The following SGCZ variants were observed in gnomAD, a reference collection of about 807,000 sequenced individuals.
The protein encoded by SGCZ is sarcoglycan zeta.
In SGCZ, 40 loss-of-function variants were observed where a neutral mutation model predicts 41.3. That is an observed-to-expected ratio of 0.97 (90% CI 0.75 to 1.26). The LOEUF (loss-of-function observed/expected upper bound fraction) is 1.26, where lower values mean the gene tolerates loss of function less well. Ranked by LOEUF, SGCZ falls within the 50% of genes most tolerant of loss-of-function variation. The pLI is 0.00. For missense variants in SGCZ, 552 were observed against 369.8 expected, an observed-to-expected ratio of 1.49 and a Z score of -4.04; for synonymous variants, 206 against 137.5, an observed-to-expected ratio of 1.50 and a Z score of -3.49.
At chr8:14,198,762 G>A (rs2117064378) in intron 4 of SGCZ, among the ~76,000 whole-genome samples, 1 of 152,276 alleles carries the variant, frequency 6.6e-6, no homozygotes, top group East Asian at 1.9e-4. Context: ...TTTTATGGAT[G>A]TTTATTAGTT....
intron 1 of SGCZ, among the ~76,000 whole-genome samples, chr8:14,639,297 A>C (rs778039592): frequency 1.4e-4 from 21 of 151,648 alleles, no homozygotes; most frequent in Non-Finnish European, 2.5e-4. Context: ...TACCACTAAT[A>C]TATTATTCCT....
At chr8:14,766,910 C>A (rs549855555) in intron 1 of SGCZ, among the ~76,000 whole-genome samples, 2 of 151,656 alleles carry the variant, frequency 1.3e-5, no homozygotes, top group South Asian at 4.2e-4. Context: ...TTATTAAACT[C>A]AGACTGTCTT....
chr8:14,101,821 A>G (rs1585134563), intron 7 of SGCZ, among the ~76,000 whole-genome samples: 3 of 151,606 alleles, frequency 2.0e-5, no homozygotes, highest in Admixed American at 2.0e-4. Flanking sequence ...AATTATATGC[A>G]TATGGTTCCA....
At chr8:14,103,584 A>G (rs558929026) in intron 6 of SGCZ, among the ~76,000 whole-genome samples, 66 of 152,298 alleles carry the variant, frequency 4.3e-4, no homozygotes, top group African/African-American at 1.5e-3. Flanking sequence ...AGTGAAACCT[A>G]AAAGCTTAAA....
At chr8:14,479,827 C>G (rs1166459859) in intron 2 of SGCZ, among the ~76,000 whole-genome samples, 1 of 149,196 alleles carries the variant, frequency 6.7e-6, no homozygotes, top group Non-Finnish European at 1.5e-5. Flanking sequence ...CTCACTGCAA[C>G]CTCCGCCTCC....
chr8:14,855,351 G>A (rs1018003357), intron 1 of SGCZ, among the ~76,000 whole-genome samples: 1 of 152,076 alleles, frequency 6.6e-6, no homozygotes, highest in Non-Finnish European at 1.5e-5. Flanking sequence ...TCCCCAGCCG[G>A]CATCTCCATT....
chr8:14,359,400 G>A (rs1803422080), intron 2 of SGCZ, among the ~76,000 whole-genome samples: 1 of 151,450 alleles, frequency 6.6e-6, no homozygotes, highest in South Asian at 2.1e-4. Flanking sequence ...TGTACAAAAC[G>A]TTTCATCCAA....
At position 14,514,158 on chromosome 8, in the gene SGCZ, G is replaced by A. The variant is rs1187635130; in HGVS notation, c.234+40574C>T. ...ATACAGCAGTGATATTTTACTTAGT[G>A]AAATGCCAAACAGAAAACATTATAA... On this transcript the variant is annotated intron_variant, in intron 2 of 7. Transcript: ENST00000382080. Among the ~76,000 whole-genome samples, 4 of 152,042 alleles carry A rather than the reference G, an allele frequency of 2.6e-5. No individual in the cohort carries two copies. In the East Asian group the frequency reaches 7.7e-4, roughly 29 times the overall value.
chr8:15,060,670 TAAAA>T (rs34503809), intron 1 of SGCZ, among the ~76,000 whole-genome samples: 6 of 144,068 alleles, frequency 4.2e-5, no homozygotes, highest in Admixed American at 1.4e-4. Context: ...CTTAAAGTAT[TAAAA>T]AAAAAAAAAA....
rs986421037 is a variant in SGCZ at position 14,797,316 on chromosome 8, G to A, written c.40-242390C>T. 3.3e-5 allele frequency among the ~76,000 whole-genome samples: 5 copies of A among 152,076 alleles called. No homozygotes were observed. In the East Asian group the frequency reaches 9.7e-4, roughly 30 times the overall value. Reference sequence around the variant, plus strand: ...TGGACCAAAATGCTGACAGTGATATGGACAATGAAGCCCAAGCTGAGATGG... The same window carrying A: ...TGGACCAAAATGCTGACAGTGATATAGACAATGAAGCCCAAGCTGAGATGG... On this transcript the variant is annotated intron_variant, in intron 1 of 7. Transcript: ENST00000382080.
chr8:14,782,024 T>C lies in SGCZ; in HGVS notation c.40-227098A>G, dbSNP rs556362867. Among the ~76,000 whole-genome samples, 60 of 152,310 alleles carry C rather than the reference T, an allele frequency of 3.9e-4. 1 individual carries two copies. Among genetic ancestry groups the C allele is most frequent in the African/African-American group, 9.1e-4 (38 of 41,564 alleles). ...TCCTGAGTTATGGACTCTCTGTACTTGACTAGTTGCTGAGAAATTTGGGTG... is the reference window on the plus strand; with the variant it reads ...TCCTGAGTTATGGACTCTCTGTACTCGACTAGTTGCTGAGAAATTTGGGTG... On this transcript the variant is annotated intron_variant, in intron 1 of 7. Coordinates refer to ENST00000382080, the MANE Select transcript of SGCZ (RefSeq NM_139167.4).
intron 1 of SGCZ, among the ~76,000 whole-genome samples, chr8:14,709,891 A>G (rs1446385774): frequency 6.6e-6 from 1 of 152,052 alleles, no homozygotes; most frequent in Non-Finnish European, 1.5e-5. Flanking sequence ...GACTCTCCTT[A>G]TTTTATAAAT....
At chr8:14,655,911 G>C (rs965317690) in intron 1 of SGCZ, among the ~76,000 whole-genome samples, 4 of 151,972 alleles carry the variant, frequency 2.6e-5, no homozygotes, top group Non-Finnish European at 5.9e-5. Context: ...ATTTTATGGA[G>C]AGTCATCCAG....
intron 1 of SGCZ, among the ~76,000 whole-genome samples, chr8:14,997,892 G>A (rs1462327977): frequency 2.6e-5 from 4 of 152,016 alleles, no homozygotes; most frequent in African/African-American, 4.8e-5. Flanking sequence ...CCCGGGAGGC[G>A]GAGGTTGCAG....
chr8:14,325,929 G>A (rs1317347388), intron 2 of SGCZ, among the ~76,000 whole-genome samples: 1 of 147,900 alleles, frequency 6.8e-6, no homozygotes, highest in Admixed American at 6.8e-5. Context: ...TGGCTAACAC[G>A]GTGAAACCCT....
chr8:14,845,831 C>G (rs1393796336), intron 1 of SGCZ, among the ~76,000 whole-genome samples: 1 of 152,008 alleles, frequency 6.6e-6, no homozygotes, highest in Non-Finnish European at 1.5e-5. Context: ...GATAAAAAGT[C>G]AGATATAATT....
chr8:15,094,867 T>C (rs1806280099), intron 1 of SGCZ, among the ~76,000 whole-genome samples: 1 of 152,130 alleles, frequency 6.6e-6, no homozygotes, highest in Non-Finnish European at 1.5e-5. Flanking sequence ...TCTGTCATGT[T>C]TGTATGTTTC....
chr8:15,217,554 G>C (rs1801448289), intron 1 of SGCZ, among the ~76,000 whole-genome samples: 1 of 151,644 alleles, frequency 6.6e-6, no homozygotes, highest in South Asian at 2.1e-4. Flanking sequence ...CAATCTAGGA[G>C]GGTTATAACC....
intron 1 of SGCZ, among the ~76,000 whole-genome samples, chr8:14,958,699 T>C (rs190706690): frequency 1.7e-4 from 26 of 152,118 alleles, no homozygotes; most frequent in Admixed American, 1.2e-3. Context: ...TTTGTGCATT[T>C]TATCACATGT....
Sources: gnomAD v4.1 joint callset for allele counts (sites outside exome capture counted in the v4.1 genomes callset) on GRCh38, gnomAD v4.1.1 for gene constraint, MANE v1.5 for transcripts, NCBI Gene and HGNC (gene_info 2026-07-23, HGNC 2026-07-21) for gene names.